Variants in ATG16L1 observed in about 807,000 individuals in gnomAD.
ATG16L1 encodes autophagy-related protein 16-1.
A neutral mutation model predicts 88.5 loss-of-function variants in ATG16L1; 37 were observed. The ratio of observed to expected loss-of-function variants is 0.42; its 90% CI spans 0.32 to 0.55. The LOEUF (loss-of-function observed/expected upper bound fraction) is 0.55, where lower values mean the gene tolerates loss of function less well. Among genes scored for constraint, ATG16L1 ranks in the 20% least tolerant of loss-of-function variants. The pLI is 0.13. For missense variants in ATG16L1, 554 were observed against 752.8 expected (o/e 0.74, Z 3.09); for synonymous variants, 301 against 281.0 (o/e 1.07, Z -0.71).
At chr2:233,277,060 A>G (rs1574878244) in intron 9 of ATG16L1, 1 of 152,900 alleles carries the variant, frequency 6.5e-6, no homozygotes. Context: ...GAATTCCATT[A>G]TAACACAGAT....
intron 14 of ATG16L1, among the ~76,000 whole-genome samples, chr2:233,291,525 A>G (rs1295265480): frequency 6.6e-6 from 1 of 152,196 alleles, no homozygotes; most frequent in African/African-American, 2.4e-5. Context: ...ATCACAGAAC[A>G]GGTCAGCACC....
intron 13 of ATG16L1, 65 bp downstream of exon 13, chr2:233,290,039 C>T (rs1699359276): frequency 1.3e-5 from 20 of 1,594,996 alleles, no homozygotes; most frequent in Admixed American, 1.7e-5. Flanking sequence ...TGTGTGTTTG[C>T]ACGTCAGAGC....
chr2:233,281,338 G>A (rs116443009), intron 11 of ATG16L1, among the ~76,000 whole-genome samples, 163 bp downstream of exon 11: 2 of 152,328 alleles, frequency 1.3e-5, no homozygotes, highest in African/African-American at 2.4e-5. Flanking sequence ...GTTAATTGCT[G>A]TATCAACTCT....
At chr2:233,290,059 T>C (rs1559413711) in intron 13 of ATG16L1, 85 bp downstream of exon 13, 3 of 1,583,690 alleles carry the variant, frequency 1.9e-6, no homozygotes, top group Admixed American at 1.7e-5. Flanking sequence ...CCTGCATTTA[T>C]GTAATATAGT....
intron 6 of ATG16L1, among the ~76,000 whole-genome samples, chr2:233,271,172 GT>G (rs1457014810): frequency 6.6e-6 from 1 of 152,208 alleles, no homozygotes; most frequent in Non-Finnish European, 1.5e-5. Flanking sequence ...GCATAACCGG[GT>G]TGACTGGGAT....
intron 12 of ATG16L1, among the ~76,000 whole-genome samples, chr2:233,283,198 C>T (rs901453304): frequency 4.6e-5 from 7 of 152,128 alleles, no homozygotes; most frequent in Non-Finnish European, 1.0e-4. Flanking sequence ...GGTGTCAGAG[C>T]AGGGAGAAAT....
In ATG16L1 at chr2:233,272,627, G is replaced by A. The variant is rs2125246121; in HGVS notation, c.708-339G>A. 1.3e-5 allele frequency among the ~76,000 whole-genome samples: 2 copies of A among 152,284 alleles called. 1 individual carries two copies. Among genetic ancestry groups the A allele is most frequent in the South Asian group, 4.1e-4 (2 of 4,824 alleles). ...TTCAACAGTGATGCTGACTGTTGAT[G>A]GAATGCCCTACTTTGGCACTGGTTA... On this transcript the variant is annotated intron_variant, in intron 6 of 17. Coordinates refer to ENST00000392017, the MANE Select transcript of ATG16L1 (RefSeq NM_030803.7).
chr2:233,280,066 A>C (rs921321895), intron 10 of ATG16L1, among the ~76,000 whole-genome samples: 1 of 152,196 alleles, frequency 6.6e-6, no homozygotes, highest in Admixed American at 6.5e-5. Context: ...AATATGCTGT[A>C]TTTTGCAAGT....
chr2:233,254,219 G>A lies in ATG16L1; in HGVS notation c.116-1883G>A, dbSNP rs1696619657. On this transcript the variant is annotated intron_variant, in intron 1 of 17. Transcript: ENST00000392017. Reference sequence around the variant, plus strand: ...CAGAATAAGAGGTCACTTGTGGAGAGCAGATAGCTTTAAAGGGTGCTAGAG... The same window carrying A: ...CAGAATAAGAGGTCACTTGTGGAGAACAGATAGCTTTAAAGGGTGCTAGAG... Among the ~76,000 whole-genome samples, 3 of 152,354 alleles carry A rather than the reference G, an allele frequency of 2.0e-5. No individual in the cohort carries two copies. The South Asian group carries it at 6.2e-4, about 32-fold the overall frequency.
intron 3 of ATG16L1, 39 bp downstream of exon 3, chr2:233,263,274 T>C (rs748636454): frequency 6.3e-7 from 1 of 1,575,266 alleles, no homozygotes; most frequent in Non-Finnish European, 8.7e-7. Context: ...TTCTGCCCTC[T>C]ATGAGAGTCC....
chr2:233,268,607 A>G (rs1044728599), intron 5 of ATG16L1, among the ~76,000 whole-genome samples: 1 of 152,250 alleles, frequency 6.6e-6, no homozygotes, highest in East Asian at 1.9e-4. Context: ...CAGACAGTCA[A>G]CAAGTGCTTT....
At chr2:233,265,974 A>G (rs1337926655) in intron 5 of ATG16L1, 1 of 152,208 alleles carries the variant, frequency 6.6e-6, no homozygotes, top group African/African-American at 2.4e-5. Flanking sequence ...TCCACTGATC[A>G]ACCGTCTATA....
chr2:233,294,663 G>T lies in ATG16L1; in HGVS notation c.*313G>T. On this transcript the variant is annotated 3_prime_UTR_variant, in exon 18 of 18. Coordinates refer to ENST00000392017, the MANE Select transcript of ATG16L1 (RefSeq NM_030803.7). The stretch of plus-strand genomic sequence containing the variant: ...CTTGGGGGAGCACAGGGCCCCGCTG[G>T]GCCTCCTCACCAACGGCAGTGCCAA... 1 of 212,820 alleles carries T rather than the reference G, an allele frequency of 4.7e-6. No homozygotes were observed. Among genetic ancestry groups the T allele is most frequent in the East Asian group, 1.0e-4 (1 of 9,552 alleles). The allele number at this position is 212,820 out of a possible 1,614,324, so 13.2% of individuals were successfully genotyped here.
At chr2:233,282,881 TC>T in intron 12 of ATG16L1, 128 bp downstream of exon 12, 1 of 744,648 alleles carries the variant, frequency 1.3e-6, no homozygotes, top group Non-Finnish European at 2.3e-6. Context: ...ACCCTGCCCT[TC>T]CTTTCCTCCT....
chr2:233,267,661 C>T (rs1697701224), intron 5 of ATG16L1, among the ~76,000 whole-genome samples: 1 of 152,160 alleles, frequency 6.6e-6, no homozygotes, highest in Non-Finnish European at 1.5e-5. Context: ...TGGCTTATGC[C>T]ATGGAGCTTG....
rs1699635158 is a variant in ATG16L1 at position 233,293,871 on chromosome 2, CCTCT to C, written c.1731-382_1731-379del. ...ACCCAGATACCATTTTCCTTCAGAACCTCTCTCCCTGTCCTTGGGCAGCAGCAAC... is the reference window on the plus strand; with the variant it reads ...ACCCAGATACCATTTTCCTTCAGAACCTCCCTGTCCTTGGGCAGCAGCAAC... On this transcript the variant is annotated intron_variant, in intron 17 of 17. Coordinates refer to ENST00000392017, the MANE Select transcript of ATG16L1 (RefSeq NM_030803.7). Among the ~76,000 whole-genome samples, 6 of 152,326 alleles carry C rather than the reference CCTCT, an allele frequency of 3.9e-5. No individual in the cohort carries two copies. The South Asian group carries it at 1.2e-3, about 32-fold the overall frequency.
At chr2:233,260,630 T>C (rs1487632995) in intron 2 of ATG16L1, among the ~76,000 whole-genome samples, 1 of 152,222 alleles carries the variant, frequency 6.6e-6, no homozygotes, top group Non-Finnish European at 1.5e-5. Flanking sequence ...AGGGGGCTGA[T>C]ATTCATTGTA....
intron 3 of ATG16L1, 133 bp from the exon 4 acceptor site, chr2:233,263,859 C>T: frequency 1.4e-6 from 1 of 721,444 alleles, no homozygotes. Flanking sequence ...TTTGTGTCCC[C>T]ATAGGCGCCT....
chr2:233,282,419 G>T (rs1404802101), intron 11 of ATG16L1, among the ~76,000 whole-genome samples: 2 of 152,180 alleles, frequency 1.3e-5, no homozygotes, highest in South Asian at 4.1e-4. Context: ...GGAAAAGTGA[G>T]TAGGGAAGGC....
Sources: allele counts gnomAD v4.1 joint callset (sites outside exome capture counted in the v4.1 genomes callset), GRCh38; gene constraint gnomAD v4.1.1; transcripts MANE v1.5; gene names NCBI Gene and HGNC (gene_info 2026-07-23, HGNC 2026-07-21).